Variants in DENND4C observed in about 807,000 individuals in gnomAD.
DENND4C encodes the protein DENN domain-containing protein 4C.
In DENND4C, 108 loss-of-function variants were observed where a neutral mutation model predicts 203.0. That is an observed-to-expected ratio of 0.53 (90% confidence interval 0.46 to 0.62). DENND4C has a LOEUF of 0.62. Among genes scored for constraint, DENND4C ranks in the 20% least tolerant of loss-of-function variants. DENND4C has a pLI of 0.00. For missense variants in DENND4C, 2,481 were observed against 2,301.2 expected (o/e 1.08, Z -1.60); for synonymous variants, 871 against 792.4 (o/e 1.10, Z -1.67).
At chr9:19,331,243 G>T (rs1262632252) in intron 16 of DENND4C, among the ~76,000 whole-genome samples, 4 of 147,794 alleles carry the variant, frequency 2.7e-5, no homozygotes, top group South Asian at 2.1e-4. Context: ...TCGCTCTGTC[G>T]CCAGGCTGGA....
chr9:19,280,240 C>T (rs1215214343), intron 2 of DENND4C, among the ~76,000 whole-genome samples: 1 of 151,934 alleles, frequency 6.6e-6, no homozygotes, highest in Non-Finnish European at 1.5e-5. Context: ...ACCTCCACCT[C>T]GGGTTCAAGC....
chr9:19,340,978 A>T lies in DENND4C; in HGVS notation c.2882-14A>T, dbSNP rs1336432908. On this transcript the variant is annotated splice_polypyrimidine_tract_variant and intron_variant, in intron 20 of 32. Transcript: ENST00000434457. Reference sequence around the variant, plus strand: ...TGAAAACATTTATATGTAAGTCTGCATTCTTTTTAACAGGTGGTCAGTCTG... The same window carrying T: ...TGAAAACATTTATATGTAAGTCTGCTTTCTTTTTAACAGGTGGTCAGTCTG... The T allele has an allele frequency of 6.3e-7, 1 of 1,582,832 alleles. No homozygotes were observed. The highest frequency in any genetic ancestry group is 8.5e-7 in the Non-Finnish European group (1 of 1,169,760).
intron 2 of DENND4C, among the ~76,000 whole-genome samples, chr9:19,278,500 A>T (rs1267748453): frequency 2.6e-5 from 4 of 151,976 alleles, no homozygotes; most frequent in Non-Finnish European, 4.4e-5. Flanking sequence ...TACGCTCATC[A>T]CCCACTCTTG....
intron 8 of DENND4C, 53 bp downstream of exon 8, chr9:19,299,340 T>G: frequency 8.0e-7 from 1 of 1,243,366 alleles, no homozygotes; most frequent in East Asian, 2.5e-5. Flanking sequence ...CAGAATGCTT[T>G]AAAATATTTT....
chr9:19,341,109 C>G lies in DENND4C; in HGVS notation c.2999C>G (p.Thr1000Arg). The G allele has an allele frequency of 6.2e-7, 1 of 1,609,908 alleles. No individual in the cohort carries two copies. The highest frequency in any genetic ancestry group is 8.5e-7 in the Non-Finnish European group (1 of 1,178,266). Reference protein sequence around the residue: ...RELITKTKMQTEEVCDASAIV... With the variant: ...RELITKTKMQREEVCDASAIV... ...TTGATAACTAAAACAAAAATGCAAA[C>G]AGAAGGTTAAGTACTGATATTTACG... The change falls in exon 21 of 33, where the codon ACA becomes AGA. Residue 1000 changes from threonine (T) to arginine (R), a missense_variant. By Grantham distance (71) the Thr-to-Arg change is moderately conservative. Transcript: ENST00000434457.
intron 16 of DENND4C, among the ~76,000 whole-genome samples, chr9:19,331,207 CTTT>C (rs750304776): frequency 7.1e-6 from 1 of 141,782 alleles, no homozygotes; most frequent in African/African-American, 2.6e-5. Flanking sequence ...GGAATAGGTC[CTTT>C]TTTTTTTTTT....
intron 1 of DENND4C, among the ~76,000 whole-genome samples, chr9:19,231,390 C>G (rs946448779): frequency 1.3e-5 from 2 of 152,050 alleles, no homozygotes; most frequent in South Asian, 2.1e-4. Context: ...TTACGGTGGC[C>G]GATCCTCAGG....
intron 9 of DENND4C, among the ~76,000 whole-genome samples, chr9:19,304,139 T>C (rs888580099): frequency 6.6e-6 from 1 of 151,602 alleles, no homozygotes; most frequent in African/African-American, 2.4e-5. Context: ...TTTTTTCTCT[T>C]TTTTCTTTTT....
In DENND4C at chr9:19,327,326, A is replaced by C. The variant is rs190095022; in HGVS notation, c.2121-704A>C. On this transcript the variant is annotated intron_variant, in intron 15 of 32. Coordinates refer to ENST00000434457, the MANE Select transcript of DENND4C (RefSeq NM_001330640.2). ...TGGTTTTTTGCATTCAAAGAAATGC[A>C]AACCAAAATGATGAATAGAAACCTT... Among the ~76,000 whole-genome samples the C allele has an allele frequency of 4.4e-3, 665 of 152,224 alleles. 3 individuals are homozygous for C. The highest frequency in any genetic ancestry group is 0.015 in the African/African-American group (633 of 41,582).
At chr9:19,281,906 GAA>G (rs1834124567) in intron 2 of DENND4C, among the ~76,000 whole-genome samples, 1 of 152,130 alleles carries the variant, frequency 6.6e-6, no homozygotes, top group African/African-American at 2.4e-5. Context: ...AAAAGGTACA[GAA>G]AAATCTGGCA....
intron 2 of DENND4C, among the ~76,000 whole-genome samples, chr9:19,278,981 A>G (rs1468909680): frequency 6.6e-6 from 1 of 152,142 alleles, no homozygotes; most frequent in African/African-American, 2.4e-5. Context: ...CTTGTTAGAA[A>G]CTCAGAAACT....
At chr9:19,290,183 G>A (rs1350198196) in intron 4 of DENND4C, among the ~76,000 whole-genome samples, 1 of 152,122 alleles carries the variant, frequency 6.6e-6, no homozygotes, top group African/African-American at 2.4e-5. Context: ...CCTACTTTCT[G>A]GGTCTCACAT....
intron 1 of DENND4C, among the ~76,000 whole-genome samples, chr9:19,264,429 C>G (rs991736404): frequency 6.6e-6 from 1 of 152,112 alleles, no homozygotes; most frequent in African/African-American, 2.4e-5. Context: ...GCCTCAGCCT[C>G]TTAAATAGCT....
At chr9:19,336,924 G>A (rs959081740) in intron 20 of DENND4C, 92 bp downstream of exon 20, 38 of 1,233,266 alleles carry the variant, frequency 3.1e-5, no homozygotes, top group Non-Finnish European at 4.3e-5. Context: ...GAGTTTGTGT[G>A]ATATGACTAC....
chr9:19,295,395 CT>C (rs1837230186), intron 5 of DENND4C, among the ~76,000 whole-genome samples: 1 of 152,012 alleles, frequency 6.6e-6, no homozygotes, highest in Non-Finnish European at 1.5e-5. Flanking sequence ...GTCCCAGTTA[CT>C]TGGGAGGCTG....
rs531193654 is a variant in DENND4C at position 19,346,868 on chromosome 9, A to T, written c.4099A>T (p.Thr1367Ser). The T allele has an allele frequency of 6.2e-7, 1 of 1,614,168 alleles. No homozygotes were observed. The highest frequency in any genetic ancestry group is 1.3e-5 in the African/African-American group (1 of 75,044). ...TTTCAAGCAGCAAACCCCCTCTCGA[A>T]CTCATAAAGAACGTTCAACTTCTTT... ...GRFKQQTPSRTHKERSTSLSA... is the reference protein window; with the variant it reads ...GRFKQQTPSRSHKERSTSLSA... Residue 1367 changes from threonine to serine, a missense_variant, in exon 23 of 33, where the codon ACT becomes TCT. Transcript: ENST00000434457.
intron 1 of DENND4C, among the ~76,000 whole-genome samples, chr9:19,267,729 G>A (rs1479725339): frequency 6.6e-6 from 1 of 151,832 alleles, no homozygotes; most frequent in East Asian, 1.9e-4. Context: ...TATGGAGACA[G>A]GGTCTCACCA....
rs1822886728 is a variant in DENND4C, at chr9:19,346,385, G to A, written c.3616G>A (p.Glu1206Lys). Reference sequence around the variant, plus strand: ...AACTACTGCAACAGTAGATACATATGAGAGTCTACTAAGTGATAGTAACAG... The same window carrying A: ...AACTACTGCAACAGTAGATACATATAAGAGTCTACTAAGTGATAGTAACAG... ...PKTTATVDTY[E>K]SLLSDSNSNQ... The change falls in exon 23 of 33, where the codon GAG becomes AAG. Residue 1206 changes from glutamate (E) to lysine (K), a missense_variant. Physicochemically the swap from Glu to Lys is moderately conservative, Grantham distance 56. This residue lies in a region of DENND4C where 2,289 missense variants were observed against 2,113.3 expected (regional missense o/e 1.08). Transcript: ENST00000434457. The A allele has an allele frequency of 6.2e-7, 1 of 1,614,024 alleles. No individual in the cohort carries two copies. The highest frequency in any genetic ancestry group is 8.5e-7 in the Non-Finnish European group (1 of 1,179,964).
intron 5 of DENND4C, among the ~76,000 whole-genome samples, chr9:19,294,950 A>G (rs201662800): frequency 6.6e-6 from 1 of 152,222 alleles, no homozygotes; most frequent in East Asian, 1.9e-4. Flanking sequence ...GGGTAATGAA[A>G]AAAGTTCTGG....
Sources: gnomAD v4.1 joint callset for allele counts (sites outside exome capture counted in the v4.1 genomes callset) on GRCh38, gnomAD v4.1.1 for gene constraint, gnomAD v4.1.1 regional missense constraint, MANE v1.5 for transcripts, NCBI Gene and HGNC (gene_info 2026-07-23, HGNC 2026-07-21) for gene names.